The following ACOX3 variants were observed in gnomAD, a reference collection of about 807,000 sequenced individuals.
The protein encoded by ACOX3 is acyl-CoA oxidase 3, pristanoyl, also known as peroxisomal acyl-coenzyme A oxidase 3.
ACOX3 carries 73 observed loss-of-function variants against 81.5 expected under a neutral mutation model. That is an observed-to-expected ratio of 0.90 (90% CI 0.74 to 1.09). The LOEUF (loss-of-function observed/expected upper bound fraction) is 1.09. Among genes scored for constraint, ACOX3 ranks in the 50% least tolerant of loss-of-function variants. The pLI is 0.00. For synonymous variants in ACOX3, 387 were observed against 375.1 expected, an observed-to-expected ratio of 1.03 and a Z score of -0.37; for missense variants, 947 against 928.0, an observed-to-expected ratio of 1.02 and a Z score of -0.27.
intron 13 of ACOX3, among the ~76,000 whole-genome samples, chr4:8,387,349 C>T (rs1046050354): frequency 1.3e-5 from 2 of 152,134 alleles, no homozygotes; most frequent in Non-Finnish European, 2.9e-5. Context: ...GGATCAACCC[C>T]GGCAGCCTGG....
At chr4:8,438,155 GT>G (rs1724362415) in intron 1 of ACOX3, among the ~76,000 whole-genome samples, 1 of 152,202 alleles carries the variant, frequency 6.6e-6, no homozygotes, top group Admixed American at 6.5e-5. Context: ...GTAAGTTAAA[GT>G]TTTCCCCACC....
chr4:8,409,835 C>A (rs1224923336), intron 6 of ACOX3, among the ~76,000 whole-genome samples: 1 of 150,770 alleles, frequency 6.6e-6, no homozygotes, highest in Non-Finnish European at 1.5e-5. Flanking sequence ...ACTGTCTGCA[C>A]TGTGGGCAGA....
intron 13 of ACOX3, among the ~76,000 whole-genome samples, chr4:8,388,719 C>T (rs550387184): frequency 6.6e-6 from 1 of 152,122 alleles, no homozygotes; most frequent in Admixed American, 6.5e-5. Context: ...GAAGGAGGTG[C>T]GGGAGGTGCG....
chr4:8,378,969 G>T (rs1428342970), intron 14 of ACOX3, among the ~76,000 whole-genome samples: 3 of 152,154 alleles, frequency 2.0e-5, no homozygotes, highest in African/African-American at 7.2e-5. Flanking sequence ...TTGACCTGCA[G>T]CTCCTGGCCC....
At position 8,414,003 on chromosome 4, in the gene ACOX3, T is replaced by C. The variant is rs1722067155; in HGVS notation, c.543+289A>G. On this transcript the variant is annotated intron_variant, in intron 5 of 17. Transcript: ENST00000356406. This position sits in a 1 kb window ranked among gnomAD's most constrained non-coding sequence, Gnocchi z 6.1. The stretch of plus-strand genomic sequence containing the variant: ...ATAGGCAGCCAGGTAAACAAGGCAA[T>C]AAATTTTACAGAATGAGGGCTTCTT... 6.6e-6 allele frequency among the ~76,000 whole-genome samples: 1 copy of C among 152,092 alleles called. No individual in the cohort carries two copies. Among genetic ancestry groups the C allele is most frequent in the South Asian group, 2.1e-4 (1 of 4,814 alleles).
rs1719449164 is a variant in ACOX3 at position 8,394,542 on chromosome 4, G to C, written c.1179+78C>G. 6.4e-7 allele frequency: 1 copy of C among 1,558,276 alleles called. No individual in the cohort carries two copies. Among genetic ancestry groups the C allele is most frequent in the Admixed American group, 1.8e-5 (1 of 56,414 alleles). Reference sequence around the variant, plus strand: ...CAAATCAAAGGACTGATTTTGCTTTGAAATGAAGGTTGAATCTATGCTGCT... The same window carrying C: ...CAAATCAAAGGACTGATTTTGCTTTCAAATGAAGGTTGAATCTATGCTGCT... On this transcript the variant is annotated intron_variant, in intron 10 of 17. Transcript: ENST00000356406. The surrounding 1 kb of genome is among the most constrained non-coding windows in gnomAD (Gnocchi z 5.9).
chr4:8,361,882 G>A (rs995831455), downstream of ACOX3, among the ~76,000 whole-genome samples: 2 of 152,184 alleles, frequency 1.3e-5, no homozygotes, highest in African/African-American at 4.8e-5. Context: ...TCTTTGGGCT[G>A]TTATTTGTAT....
chr4:8,415,687 G>A (rs1722248999), intron 3 of ACOX3, 79 bp downstream of exon 3: 1 of 1,251,426 alleles, frequency 8.0e-7, no homozygotes, highest in Non-Finnish European at 1.1e-6. Context: ...CTGCCTCTTG[G>A]TTGGCCCTGG....
At chr4:8,357,136 C>T in the ACOX3 span, 445 of 456,158 alleles carry the variant, frequency 9.8e-4, 6 homozygotes, top group South Asian at 5.9e-3. Context: ...AAGATGATCC[C>T]GGCAGGTGAG....
Position 8,399,044 on chromosome 4 carries a change from A to T in ACOX3, c.873+512T>A, listed in dbSNP as rs1720039928. 2.0e-5 allele frequency among the ~76,000 whole-genome samples: 3 copies of T among 151,584 alleles called. 1 individual carries two copies. The highest frequency in any genetic ancestry group is 4.2e-4 in the South Asian group (2 of 4,786). Reference sequence around the variant, plus strand: ...TGTCAGATGCTGCATGCTGCTGGGGACTGTTATTCCAAGGGTGCATGCTCG... The same window carrying T: ...TGTCAGATGCTGCATGCTGCTGGGGTCTGTTATTCCAAGGGTGCATGCTCG... On this transcript the variant is annotated intron_variant, in intron 8 of 17. Transcript: ENST00000356406. This position sits in a 1 kb window ranked among gnomAD's most constrained non-coding sequence, Gnocchi z 4.9.
At chr4:8,436,917 G>A (rs1401918927) in intron 1 of ACOX3, among the ~76,000 whole-genome samples, 1 of 145,480 alleles carries the variant, frequency 6.9e-6, no homozygotes, top group Non-Finnish European at 1.5e-5. Context: ...GTGTGAACCT[G>A]GGAGGTGGAG....
the ACOX3 span, chr4:8,356,234 G>T: frequency 3.0e-6 from 1 of 329,580 alleles, no homozygotes; most frequent in South Asian, 2.5e-5. Context: ...CCAATAGACA[G>T]TGTAGCTGGT....
chr4:8,413,813 A>T (rs2108973667), intron 5 of ACOX3, among the ~76,000 whole-genome samples: 1 of 152,386 alleles, frequency 6.6e-6, no homozygotes, highest in East Asian at 1.9e-4. Flanking sequence ...AGAGGTCAAG[A>T]GGATGGCAAG....
intron 1 of ACOX3, among the ~76,000 whole-genome samples, chr4:8,420,129 T>C (rs1239498653): frequency 6.6e-6 from 1 of 152,222 alleles, no homozygotes; most frequent in Non-Finnish European, 1.5e-5. Context: ...CTTAGAGACA[T>C]TGACCATGGT....
chr4:8,410,131 A>G, intron 6 of ACOX3, 81 bp downstream of exon 6: 3 of 1,511,782 alleles, frequency 2.0e-6, no homozygotes, highest in Non-Finnish European at 2.7e-6. Context: ...CACCCTTGTT[A>G]TGACAAAAAT....
intron 13 of ACOX3, among the ~76,000 whole-genome samples, chr4:8,387,607 A>G (rs551024942): frequency 6.6e-6 from 1 of 152,188 alleles, no homozygotes; most frequent in Non-Finnish European, 1.5e-5. Flanking sequence ...ACGCGGCTTT[A>G]CAGACGGGGG....
Position 8,366,844 on chromosome 4 carries a change from G to A in ACOX3, c.*117C>T. 6.9e-7 allele frequency: 1 copy of A among 1,450,226 alleles called. No homozygotes were observed. The highest frequency in any genetic ancestry group is 9.4e-7 in the Non-Finnish European group (1 of 1,062,076). The allele number at this position is 1,450,226 out of a possible 1,614,324, so 89.8% of individuals were successfully genotyped here. A position where few individuals can be genotyped will look rare whatever the true frequency, so the allele number is the denominator to read the frequency against. ...GGCCAATCAGCAGTTTAGGCGCACA[G>A]GTGCGGGCTCAGAAAGCAGCAGCAA... is the stretch of plus-strand genomic sequence containing the variant. On this transcript the variant is annotated 3_prime_UTR_variant, in exon 18 of 18. Coordinates refer to ENST00000356406, the MANE Select transcript of ACOX3 (RefSeq NM_003501.3).
chr4:8,408,690 AG>A (rs1173399191), intron 6 of ACOX3, among the ~76,000 whole-genome samples: 1 of 152,184 alleles, frequency 6.6e-6, no homozygotes, highest in Non-Finnish European at 1.5e-5. Context: ...CCTGCTTCCC[AG>A]CACACGACTC....
chr4:8,391,322 G>A (rs1199753467), intron 11 of ACOX3, among the ~76,000 whole-genome samples: 5 of 152,214 alleles, frequency 3.3e-5, no homozygotes, highest in Non-Finnish European at 4.4e-5. Flanking sequence ...GAACAGGTGC[G>A]AGTTAGAACT....
Sources: gnomAD v4.1 joint callset for allele counts (sites outside exome capture counted in the v4.1 genomes callset) on GRCh38, gnomAD v4.1.1 for gene constraint, Gnocchi (gnomAD v3.1) non-coding constraint, MANE v1.5 for transcripts, NCBI Gene and HGNC (gene_info 2026-07-23, HGNC 2026-07-21) for gene names.